TPP1: variants seen among roughly 807,000 people sequenced by gnomAD.
The protein encoded by TPP1 is tripeptidyl-peptidase 1.
Under a neutral mutation model 67.6 loss-of-function variants are expected in TPP1, and 43 were observed. That is an observed-to-expected ratio of 0.64 (90% CI 0.50 to 0.82). The LOEUF is 0.82. Ranked by LOEUF, TPP1 falls within the 40% of genes least tolerant of loss-of-function variation. The pLI, the probability that TPP1 is intolerant of heterozygous loss-of-function variation, is 0.00. For missense variants in TPP1, 671 were observed against 710.9 expected (o/e 0.94, Z 0.64); for synonymous variants, 272 against 281.5 (o/e 0.97, Z 0.34).
rs1855518929 is a variant in TPP1, at chr11:6,612,925, G to C, written c.*1621C>G. 1 of 152,686 alleles carries C rather than the reference G, an allele frequency of 6.5e-6. No homozygotes were observed. The highest frequency in any genetic ancestry group is 2.4e-5 in the African/African-American group (1 of 41,446). 9.5% of individuals were successfully genotyped at this position (152,686 alleles called of 1,614,324 possible). A position where few individuals can be genotyped will look rare whatever the true frequency, so the allele number is the denominator to read the frequency against. ...CTGGCCATTTCAATACTACGTGGTCGTTACAATGCTAGAGGTAGGCACAGG... is the reference window on the plus strand; with the variant it reads ...CTGGCCATTTCAATACTACGTGGTCCTTACAATGCTAGAGGTAGGCACAGG... On this transcript the variant is annotated 3_prime_UTR_variant, in exon 13 of 13. Transcript: ENST00000299427.
intron 7 of TPP1, 48 bp from the exon 8 acceptor site, chr11:6,616,551 C>T (rs745441777): frequency 3.8e-6 from 6 of 1,588,306 alleles, no homozygotes; most frequent in Non-Finnish European, 5.1e-6. Flanking sequence ...CAAAGATAGT[C>T]ACTGGGGGTT....
In TPP1 at chr11:6,614,765, A is replaced by G. The variant is rs577096814; in HGVS notation, c.1552-79T>C. On this transcript the variant is annotated intron_variant, in intron 12 of 12. Coordinates refer to ENST00000299427, the MANE Select transcript of TPP1 (RefSeq NM_000391.4). ...GTATATCTCCTCACCCTGTACTCAC[A>G]TTTCAAAGGCTATTCCACACCACCC... The G allele has an allele frequency of 3.7e-6, 6 of 1,613,800 alleles. No individual in the cohort carries two copies. In the Admixed American group the frequency reaches 6.7e-5, roughly 18 times the overall value.
chr11:6,615,496 A>G lies in TPP1; in HGVS notation c.1212T>C (p.Val404=). ...TGAAGCCACCACCACTGATATAGTC[A>G]ACAATTTCATTTGTGATGAGGAAAG... ...QEPFLITNEI[V]DYISGGGFSN... Residue 404 remains valine (V), a synonymous_variant, in exon 10 of 13, where the codon GTT becomes GTC. Transcript: ENST00000299427. The G allele has an allele frequency of 6.2e-7, 1 of 1,614,214 alleles. No individual in the cohort carries two copies.
intron 9 of TPP1, 31 bp from the exon 10 acceptor site, chr11:6,615,593 G>A (rs375550540): frequency 1.2e-6 from 2 of 1,613,606 alleles, no homozygotes; most frequent in African/African-American, 2.7e-5. Context: ...TTGGATAGTA[G>A]GGGACCCAAG....
Position 6,619,252 on chromosome 11 carries a change from A to C in TPP1, c.33T>G (p.Phe11Leu). The change falls in exon 2 of 13, where the codon TTT becomes TTG. Residue 11 changes from phenylalanine to leucine, a missense_variant. Coordinates refer to ENST00000299427, the MANE Select transcript of TPP1 (RefSeq NM_000391.4). The stretch of plus-strand genomic sequence containing the variant: ...TGCATTTGCCAGAGAGGATGAGGGC[A>C]AAGAGCCCTAGGAGGCTGTAGGGGC... MGLQACLLGL[F>L]ALILSGKCSY... 1 of 1,614,148 alleles carries C rather than the reference A, an allele frequency of 6.2e-7. No individual in the cohort carries two copies. Among genetic ancestry groups the C allele is most frequent in the Non-Finnish European group, 8.5e-7 (1 of 1,180,020 alleles).
At chr11:6,617,537 C>G (rs905060035) in intron 4 of TPP1, 89 bp downstream of exon 4, 1 of 1,612,964 alleles carries the variant, frequency 6.2e-7, no homozygotes, top group Middle Eastern at 1.8e-4. Context: ...AGCTCCCACC[C>G]ACAAGCCCCA....
At chr11:6,617,853 A>T (rs1855610485) in intron 3 of TPP1, 77 bp from the exon 4 acceptor site, 1 of 1,600,706 alleles carries the variant, frequency 6.2e-7, no homozygotes. Context: ...CAACTATGAG[A>T]CATCAGGACT....
rs112931318 is a variant in TPP1 at position 6,619,194 on chromosome 11, A to G, written c.89+2T>C. On this transcript the variant is annotated splice_donor_variant, in intron 2 of 12. Coordinates refer to ENST00000299427, the MANE Select transcript of TPP1 (RefSeq NM_000391.4). LOFTEE classifies it high-confidence loss of function. ...GGGGCAGTCTGTGCTAAGTCAACTC[A>G]CGTCCTCCGCTGGTCGGGCTCCGGG... 2 of 1,614,116 alleles carry G rather than the reference A, an allele frequency of 1.2e-6. No individual in the cohort carries two copies. Among genetic ancestry groups the G allele is most frequent in the Non-Finnish European group, 1.7e-6 (2 of 1,180,008 alleles).
Position 6,614,367 on chromosome 11 carries a change from G to C in TPP1, c.*179C>G. 1 of 784,378 alleles carries C rather than the reference G, an allele frequency of 1.3e-6. No individual in the cohort carries two copies. Among genetic ancestry groups the C allele is most frequent in the Non-Finnish European group, 2.1e-6 (1 of 487,522 alleles). The allele number at this position is 784,378 out of a possible 1,614,324, so 48.6% of individuals were successfully genotyped here. Reference sequence around the variant, plus strand: ...GGCAGGAGTAGGGAGACCTGAGTATGATGGAGCATGGTAGGGTTGGGAGTC... The same window carrying C: ...GGCAGGAGTAGGGAGACCTGAGTATCATGGAGCATGGTAGGGTTGGGAGTC... On this transcript the variant is annotated 3_prime_UTR_variant, in exon 13 of 13. Coordinates refer to ENST00000299427, the MANE Select transcript of TPP1 (RefSeq NM_000391.4).
In TPP1 at chr11:6,614,872, G is replaced by T; in HGVS notation, c.1545C>A (p.Leu515=). The T allele has an allele frequency of 6.2e-7, 1 of 1,614,030 alleles. No individual in the cohort carries two copies. Among genetic ancestry groups the T allele is most frequent in the East Asian group, 2.2e-5 (1 of 44,872 alleles). ...PRLYQQHGAG[L]FDVTRGCHES... ...CCTTCCCTTCCATACTTACATCAAA[G>T]AGTCCTGCCCCATGCTGCTGGTAGA... The change falls in exon 12 of 13, where the codon CTC becomes CTA. Residue 515 remains leucine (L), a synonymous_variant. Coordinates refer to ENST00000299427, the MANE Select transcript of TPP1 (RefSeq NM_000391.4).
In TPP1 at chr11:6,616,299, T is replaced by C. The variant is rs747307100; in HGVS notation, c.1075+16A>G. ...CAGAGGTGTAAGCATTGTCTAAGTT[T>C]AGGGTAGGAGGTCACCTGAGGCGAA... On this transcript the variant is annotated intron_variant, in intron 8 of 12. Transcript: ENST00000299427. The C allele has an allele frequency of 1.9e-6, 3 of 1,612,810 alleles. No individual in the cohort carries two copies. Among genetic ancestry groups the C allele is most frequent in the Non-Finnish European group, 2.5e-6 (3 of 1,179,954 alleles).
In TPP1 at chr11:6,615,990, G is replaced by A. The variant is rs759879323; in HGVS notation, c.1145+15C>T. ...AGGTGGTGGTTATACCTGAGTGGTA[G>A]GCTAGAGTACTTACCTGGAGGCAGG... On this transcript the variant is annotated intron_variant, in intron 9 of 12. Coordinates refer to ENST00000299427, the MANE Select transcript of TPP1 (RefSeq NM_000391.4). The A allele has an allele frequency of 8.7e-6, 14 of 1,613,986 alleles. No individual in the cohort carries two copies. Among genetic ancestry groups the A allele is most frequent in the Admixed American group, 1.7e-5 (1 of 60,034 alleles).
At chr11:6,619,068 G>A (rs988257828) in intron 2 of TPP1, 128 bp downstream of exon 2, 10 of 1,470,940 alleles carry the variant, frequency 6.8e-6, no homozygotes, top group Admixed American at 3.8e-5. Flanking sequence ...ACTGAGGCTA[G>A]GAACATAGAG....
Position 6,613,531 on chromosome 11 carries a change from G to C in TPP1, c.*1015C>G, listed in dbSNP as rs996959831. On this transcript the variant is annotated 3_prime_UTR_variant, in exon 13 of 13. Coordinates refer to ENST00000299427, the MANE Select transcript of TPP1 (RefSeq NM_000391.4). The stretch of plus-strand genomic sequence containing the variant: ...ACTCTGGAAGATGACTTGGGGATTG[G>C]CAGGAAGTAAGGACACTTTTTTTCA... 1 of 152,602 alleles carries C rather than the reference G, an allele frequency of 6.6e-6. No homozygotes were observed. Among genetic ancestry groups the C allele is most frequent in the Non-Finnish European group, 1.5e-5 (1 of 68,054 alleles). The allele number at this position is 152,602 out of a possible 1,614,324, so 9.5% of individuals were successfully genotyped here.
intron 2 of TPP1, 105 bp from the exon 3 acceptor site, chr11:6,619,020 A>G: frequency 1.9e-6 from 3 of 1,548,930 alleles, no homozygotes; most frequent in Non-Finnish European, 2.7e-6. Flanking sequence ...GGAGGATCCT[A>G]GGAGCAGATA....
chr11:6,615,778 A>G, intron 9 of TPP1: 1 of 782,218 alleles, frequency 1.3e-6, no homozygotes, highest in Admixed American at 2.3e-5. Context: ...ATCTTCCACT[A>G]AAATGCCTGG....
In TPP1 at chr11:6,616,297, T is replaced by C; in HGVS notation, c.1075+18A>G. 6.2e-7 allele frequency: 1 copy of C among 1,612,632 alleles called. No individual in the cohort carries two copies. Among genetic ancestry groups the C allele is most frequent in the Non-Finnish European group, 8.5e-7 (1 of 1,179,804 alleles). On this transcript the variant is annotated intron_variant, in intron 8 of 12. Coordinates refer to ENST00000299427, the MANE Select transcript of TPP1 (RefSeq NM_000391.4). ...TGCAGAGGTGTAAGCATTGTCTAAG[T>C]TTAGGGTAGGAGGTCACCTGAGGCG...
intron 9 of TPP1, 144 bp from the exon 10 acceptor site, chr11:6,615,706 T>A (rs1855571086): frequency 1.7e-6 from 2 of 1,146,376 alleles, no homozygotes; most frequent in African/African-American, 3.0e-5. Flanking sequence ...TAAGAGATTT[T>A]GAGCCTTCAA....
At chr11:6,614,767 T>C in intron 12 of TPP1, 81 bp from the exon 13 acceptor site, 1 of 1,613,784 alleles carries the variant, frequency 6.2e-7, no homozygotes, top group Non-Finnish European at 8.5e-7. Flanking sequence ...GTACTCACAT[T>C]TCAAAGGCTA....
Sources: gnomAD v4.1 joint callset for allele counts on GRCh38, gnomAD v4.1.1 for gene constraint, MANE v1.5 for transcripts, NCBI Gene and HGNC (gene_info 2026-07-23, HGNC 2026-07-21) for gene names.